The following CLTRN variants were observed in gnomAD, a reference collection of about 807,000 sequenced individuals.
The protein encoded by CLTRN is collectrin, amino acid transport regulator, also known as collectrin.
In CLTRN, 12 loss-of-function variants were observed where a neutral mutation model predicts 14.5. The ratio of observed to expected loss-of-function variants is 0.83; its 90% CI spans 0.53 to 1.34. CLTRN has a LOEUF of 1.34. Among genes scored for constraint, CLTRN ranks in the 40% most tolerant of loss-of-function variants. The pLI is 0.00. For synonymous variants in CLTRN, 58 were observed against 56.5 expected, an observed-to-expected ratio of 1.03 and a Z score of -0.12; for missense variants, 154 against 165.1, an observed-to-expected ratio of 0.93 and a Z score of 0.37.
upstream of CLTRN, among the ~76,000 whole-genome samples, chrX:15,669,233 G>A (rs1465046185): frequency 8.9e-6 from 1 of 111,851 alleles, no homozygotes; most frequent in Admixed American, 9.6e-5. Flanking sequence ...CACAAATTTA[G>A]TGCTTGTCTT....
intron 4 of CLTRN, among the ~76,000 whole-genome samples, chrX:15,640,701 T>C (rs1297537228): frequency 8.9e-6 from 1 of 112,069 alleles, no homozygotes; most frequent in Non-Finnish European, 1.9e-5. Context: ...GAACCAGGAG[T>C]GGCTTCAAAT....
intron 4 of CLTRN, among the ~76,000 whole-genome samples, chrX:15,641,004 A>C (rs1488017248): frequency 8.9e-6 from 1 of 112,014 alleles, no homozygotes; most frequent in Non-Finnish European, 1.9e-5. Context: ...CTCTGTTTTG[A>C]GGGACAAGTA....
At chrX:15,670,877 CAAGTGTGTGTGTGTGTGT>C (rs1929704322) in intron 1 of CLTRN, among the ~76,000 whole-genome samples, 2 of 76,697 alleles carry the variant, frequency 2.6e-5, no homozygotes, top group Non-Finnish European at 4.9e-5. Context: ...AAAAGGGAGA[CAAGTGTGTGTGTGTGTGT>C]GTGTGTGTGT....
At chrX:15,663,377 G>T (rs1372106818) in intron 2 of CLTRN, among the ~76,000 whole-genome samples, 2 of 112,042 alleles carry the variant, frequency 1.8e-5, no homozygotes, top group Non-Finnish European at 3.8e-5. Context: ...TCTGCCACTT[G>T]CTGACTTGAA....
At chrX:15,628,577 G>C (rs1474282848) in intron 5 of CLTRN, among the ~76,000 whole-genome samples, 6 of 111,813 alleles carry the variant, frequency 5.4e-5, no homozygotes, top group Non-Finnish European at 5.6e-5. Flanking sequence ...TCCTCTCATG[G>C]GATTTGACAA....
At chrX:15,652,872 A>G (rs901602702) in intron 3 of CLTRN, among the ~76,000 whole-genome samples, 16 of 111,709 alleles carry the variant, frequency 1.4e-4, no homozygotes, top group Admixed American at 9.5e-5. Flanking sequence ...ACCTGAGGTC[A>G]GGAGTTCGAG....
upstream of CLTRN, among the ~76,000 whole-genome samples, chrX:15,666,301 C>T (rs146576989): frequency 5.6e-3 from 625 of 111,495 alleles, 2 homozygotes; most frequent in Non-Finnish European, 9.0e-3. Flanking sequence ...TAAGATAATG[C>T]GTGTAAAAGA....
At chrX:15,669,442 A>T (rs752738026), upstream of CLTRN, among the ~76,000 whole-genome samples, 3 of 112,354 alleles carry the variant, frequency 2.7e-5, no homozygotes, top group South Asian at 7.4e-4. Context: ...TAGAGCATGT[A>T]GATTTAAAAG....
chrX:15,675,293 C>T (rs1397639974), upstream of CLTRN, among the ~76,000 whole-genome samples: 4 of 111,733 alleles, frequency 3.6e-5, no homozygotes, highest in East Asian at 1.1e-3. Flanking sequence ...ACTGGATGAT[C>T]ACTGGGCGAA....
intron 5 of CLTRN, among the ~76,000 whole-genome samples, chrX:15,634,969 A>G (rs1928785546): frequency 9.1e-6 from 1 of 110,489 alleles, no homozygotes; most frequent in African/African-American, 3.3e-5. Context: ...AAATAAATAA[A>G]AGAAAAAAAA....
intron 5 of CLTRN, among the ~76,000 whole-genome samples, chrX:15,631,673 T>C (rs1286019492): frequency 1.8e-5 from 2 of 112,465 alleles, no homozygotes; most frequent in Non-Finnish European, 3.8e-5. Context: ...GGAATTGCTG[T>C]AGAAATTTAT....
In CLTRN at chrX:15,661,379, A is replaced by C. The variant is rs367987488; in HGVS notation, c.118-2278T>G. ...CATAAGCTGGCTGGGTAGGAGTCCA[A>C]TTTTGGTCACAGAACAAAGGTCCAA... On this transcript the variant is annotated intron_variant, in intron 2 of 5. Transcript: ENST00000380342. 5.4e-5 allele frequency among the ~76,000 whole-genome samples: 6 copies of C among 112,145 alleles called. No individual in the cohort carries two copies. The South Asian group carries it at 1.5e-3, about 28-fold the overall frequency.
At chrX:15,631,903 A>G (rs1928703485) in intron 5 of CLTRN, among the ~76,000 whole-genome samples, 1 of 112,318 alleles carries the variant, frequency 8.9e-6, no homozygotes, top group Non-Finnish European at 1.9e-5. Context: ...CTACCTGTGC[A>G]TTGCTTTTAC....
At chrX:15,629,757 C>T (rs1391869343) in intron 5 of CLTRN, among the ~76,000 whole-genome samples, 1 of 111,182 alleles carries the variant, frequency 9.0e-6, no homozygotes, top group Non-Finnish European at 1.9e-5. Flanking sequence ...GATATCACCC[C>T]CATAAGCAAA....
At chrX:15,659,176 C>A in intron 2 of CLTRN, 75 bp from the exon 3 acceptor site, 1 of 459,671 alleles carries the variant, frequency 2.2e-6, no homozygotes. Flanking sequence ...CAGTGGCTCT[C>A]CCTCTCTCTC....
intron 5 of CLTRN, among the ~76,000 whole-genome samples, chrX:15,629,420 T>C: frequency 9.0e-6 from 1 of 110,738 alleles, no homozygotes; most frequent in South Asian, 3.8e-4. Context: ...TAAAGTATAA[T>C]AAAAAAAAAT....
intron 2 of CLTRN, among the ~76,000 whole-genome samples, chrX:15,661,469 C>T (rs1300018035): frequency 8.9e-6 from 1 of 112,171 alleles, no homozygotes; most frequent in African/African-American, 3.2e-5. Flanking sequence ...CCAGTGGAAC[C>T]AACTTATCTT....
intron 2 of CLTRN, among the ~76,000 whole-genome samples, chrX:15,661,737 GTC>G (rs1929512863): frequency 8.9e-6 from 1 of 112,536 alleles, no homozygotes; most frequent in Non-Finnish European, 1.9e-5. Flanking sequence ...ATATAAGAAT[GTC>G]CATAGCAGCT....
intron 5 of CLTRN, among the ~76,000 whole-genome samples, chrX:15,633,670 T>C (rs912803524): frequency 6.2e-5 from 7 of 112,803 alleles, no homozygotes; most frequent in Non-Finnish European, 1.3e-4. Context: ...CCACATCCGC[T>C]TGTGTGAAAA....
Sources: gnomAD v4.1 joint callset for allele counts (sites outside exome capture counted in the v4.1 genomes callset) on GRCh38, gnomAD v4.1.1 for gene constraint, MANE v1.5 for transcripts, NCBI Gene and HGNC (gene_info 2026-07-23, HGNC 2026-07-21) for gene names.